The following ISLR2 variants were observed in gnomAD, a reference collection of about 807,000 sequenced individuals.
ISLR2 encodes the protein immunoglobulin superfamily containing leucine-rich repeat protein 2.
A neutral mutation model predicts 25.5 loss-of-function variants in ISLR2; 16 were observed. That is an observed-to-expected ratio of 0.63 (90% CI 0.43 to 0.95). ISLR2 has a LOEUF of 0.95. Ranked by LOEUF, ISLR2 falls within the 40% of genes least tolerant of loss-of-function variation. The pLI, the probability that ISLR2 is intolerant of heterozygous loss-of-function variation, is 0.00. For synonymous variants in ISLR2, 508 were observed against 486.6 expected (o/e 1.04, Z -0.58); for missense variants, 883 against 1,030.7 (o/e 0.86, Z 1.96).
intron 2 of ISLR2, among the ~76,000 whole-genome samples, chr15:74,119,440 G>A (rs2072235715): frequency 6.6e-6 from 1 of 151,916 alleles, no homozygotes; most frequent in South Asian, 2.1e-4. Context: ...CAAACTCCTG[G>A]GCTCAAGTGG....
At chr15:74,126,345 G>GTTTTTTTTTTTTTT (rs1228122616), upstream of ISLR2, 2 of 139,966 alleles carry the variant, frequency 1.4e-5, no homozygotes, top group African/African-American at 5.9e-5. Flanking sequence ...AAAAGCATAG[G>GTTTTTTTTTTTTTT]TATTTTTTTT....
chr15:74,126,393 C>T (rs1261337761), upstream of ISLR2: 6 of 127,678 alleles, frequency 4.7e-5, no homozygotes, highest in African/African-American at 9.4e-5. Context: ...CTCGCTCTGT[C>T]GCCCAGGCCG....
At position 74,133,911 on chromosome 15, in the gene ISLR2, G is replaced by C; in HGVS notation, c.1157G>C (p.Gly386Ala). The C allele has an allele frequency of 6.2e-7, 1 of 1,604,832 alleles. No individual in the cohort carries two copies. The highest frequency in any genetic ancestry group is 8.5e-7 in the Non-Finnish European group (1 of 1,175,934). ...GPPKHAPGAGGEPDGQAPTSE... is the reference protein window; with the variant it reads ...GPPKHAPGAGAEPDGQAPTSE... ...CCAAAACACGCGCCTGGCGCCGGGG[G>C]AGAACCCGACGGACAGGCCCCGACC... Residue 386 changes from glycine (G) to alanine (A), a missense_variant, in exon 3 of 3, where the codon GGA becomes GCA. Transcript: ENST00000453268.
At chr15:74,138,284 T>TTC (rs1193171544), downstream of ISLR2, 2 of 133,328 alleles carry the variant, frequency 1.5e-5, no homozygotes, top group Non-Finnish European at 3.1e-5. Context: ...TCTTTTTCTT[T>TTC]TCTCTTTTTT....
Position 74,134,521 on chromosome 15 carries a change from G to C in ISLR2, c.1767G>C (p.Ser589=). The C allele has an allele frequency of 6.2e-7, 1 of 1,614,050 alleles. No homozygotes were observed. The highest frequency in any genetic ancestry group is 8.5e-7 in the Non-Finnish European group (1 of 1,180,030). ...VVFSTKKELP[S]LLVIVAVSVF... is the part of the protein sequence containing the mutation. ...TTTCCACCAAGAAGGAGCTCCCATC[G>C]CTGCTGGTCATAGTGGCAGTGAGCG... Residue 589 remains serine, a synonymous_variant, in exon 3 of 3, where the codon TCG becomes TCC. Coordinates refer to ENST00000453268, the MANE Select transcript of ISLR2 (RefSeq NM_020851.3).
intron 1 of ISLR2, among the ~76,000 whole-genome samples, chr15:74,103,368 T>G (rs371426836): frequency 1.3e-5 from 2 of 148,476 alleles, no homozygotes; most frequent in Admixed American, 1.3e-4. Context: ...TTCTGGAGGC[T>G]GAAGTGGCTG....
At position 74,133,704 on chromosome 15, in the gene ISLR2, C is replaced by T. The variant is rs1359741749; in HGVS notation, c.950C>T (p.Pro317Leu). The change falls in exon 3 of 3, where the codon CCG becomes CTG. Residue 317 changes from proline to leucine, a missense_variant. Around this residue, in one of 2 missense-constraint regions of ISLR2, gnomAD observed 612 missense variants for 642.8 expected, o/e 0.95. Transcript: ENST00000453268. ...DLLTQTQAQT[P>L]TPAPAWPAPP... is the part of the protein sequence containing the mutation. The stretch of plus-strand genomic sequence containing the variant: ...CTGACGCAGACCCAAGCCCAAACGC[C>T]GACTCCAGCACCCGCTTGGCCGGCG... 1 of 1,608,116 alleles carries T rather than the reference C, an allele frequency of 6.2e-7. No homozygotes were observed. The highest frequency in any genetic ancestry group is 8.5e-7 in the Non-Finnish European group (1 of 1,177,258).
At chr15:74,126,617 T>A (rs1481899935), upstream of ISLR2, 1 of 152,150 alleles carries the variant, frequency 6.6e-6, no homozygotes. Context: ...AGTGCTGGGA[T>A]TATTACAGGT....
Position 74,136,517 on chromosome 15 carries a change from T to G in ISLR2, c.*1525T>G, listed in dbSNP as rs1251216853. On this transcript the variant is annotated 3_prime_UTR_variant, in exon 3 of 3. Coordinates refer to ENST00000453268, the MANE Select transcript of ISLR2 (RefSeq NM_020851.3). ...ACAAGCGTGCCCTGTAGGAGAAAAG[T>G]CTGTGTCCTGTGAAGTGTGACCGTG... 1 of 156,818 alleles carries G rather than the reference T, an allele frequency of 6.4e-6. No individual in the cohort carries two copies. The highest frequency in any genetic ancestry group is 1.5e-5 in the Non-Finnish European group (1 of 65,920). 9.7% of individuals were successfully genotyped at this position (156,818 alleles called of 1,614,324 possible).
upstream of ISLR2, among the ~76,000 whole-genome samples, chr15:74,124,595 C>A (rs958458596): frequency 2.0e-5 from 3 of 152,066 alleles, no homozygotes; most frequent in African/African-American, 7.2e-5. Flanking sequence ...CCTGTCTCTA[C>A]TAAAAATACA....
exon 1 of ISLR2, chr15:74,100,336 G>C (rs1231252042): frequency 1.6e-6 from 2 of 1,241,040 alleles, no homozygotes; most frequent in South Asian, 5.9e-5. Context: ...GCCGGGAGCG[G>C]ACCGCAGCCC....
intron 2 of ISLR2, among the ~76,000 whole-genome samples, chr15:74,106,958 A>G (rs2072125501): frequency 6.6e-6 from 1 of 152,096 alleles, no homozygotes; most frequent in Non-Finnish European, 1.5e-5. Context: ...TTGCTCTGAT[A>G]TAAGAACAGA....
At chr15:74,140,482 G>C (rs1211434989), downstream of ISLR2, among the ~76,000 whole-genome samples, 1 of 152,150 alleles carries the variant, frequency 6.6e-6, no homozygotes, top group African/African-American at 2.4e-5. Context: ...AGGGAAAAAG[G>C]GACCTGCTCT....
Position 74,132,663 on chromosome 15 carries a change from T to C in ISLR2, c.-8-84T>C, listed in dbSNP as rs1418409449. The stretch of plus-strand genomic sequence containing the variant: ...GCCCTGGAACTAGTGCTAAACGGGC[T>C]TGCGGAGGCACAGCTTGATAGGGGA... On this transcript the variant is annotated intron_variant, in intron 2 of 2. Coordinates refer to ENST00000453268, the MANE Select transcript of ISLR2 (RefSeq NM_020851.3). The surrounding 1 kb of genome is among the most constrained non-coding windows in gnomAD (Gnocchi z 4.3). The C allele has an allele frequency of 1.0e-5, 15 of 1,495,248 alleles. No homozygotes were observed. Among genetic ancestry groups the C allele is most frequent in the African/African-American group, 1.4e-5 (1 of 71,966 alleles). The allele number at this position is 1,495,248 out of a possible 1,614,324, so 92.6% of individuals were successfully genotyped here. A position where few individuals can be genotyped will look rare whatever the true frequency, so the allele number is the denominator to read the frequency against.
At chr15:74,130,164 T>A (rs1385505784), upstream of ISLR2, 1 of 115,780 alleles carries the variant, frequency 8.6e-6, no homozygotes, top group Non-Finnish European at 1.7e-5. Context: ...CAGCACGCCC[T>A]GCAGGGCTGT....
intron 2 of ISLR2, among the ~76,000 whole-genome samples, chr15:74,110,656 T>TAA (rs753865797): frequency 3.6e-5 from 4 of 111,274 alleles, no homozygotes; most frequent in Non-Finnish European, 3.9e-5. Context: ...TGTCTCTACT[T>TAA]AAAAAAAAAA....
chr15:74,125,451 G>A (rs2141940433), upstream of ISLR2, among the ~76,000 whole-genome samples: 1 of 152,262 alleles, frequency 6.6e-6, no homozygotes, highest in South Asian at 2.1e-4. Flanking sequence ...TGTTGCCCAA[G>A]CTGGTCTTAA....
At position 74,136,588 on chromosome 15, in the gene ISLR2, G is replaced by T. The variant is rs1422754835; in HGVS notation, c.*1596G>T. On this transcript the variant is annotated 3_prime_UTR_variant, in exon 3 of 3. Transcript: ENST00000453268. ...GGGGGCGGATGGGCGGGGAGGGAGG[G>T]AAGGGGAGGGGCGCGGCGCGGCGAC... 1 of 146,552 alleles carries T rather than the reference G, an allele frequency of 6.8e-6. No individual in the cohort carries two copies. The highest frequency in any genetic ancestry group is 1.5e-5 in the Non-Finnish European group (1 of 65,252). The allele number at this position is 146,552 out of a possible 1,614,324, so 9.1% of individuals were successfully genotyped here.
chr15:74,141,725 A>G (rs1051393646), downstream of ISLR2, among the ~76,000 whole-genome samples: 9 of 152,168 alleles, frequency 5.9e-5, no homozygotes, highest in Admixed American at 4.6e-4. Flanking sequence ...GAGGGTTAGT[A>G]GTTTGTTGAA....
Sources: gnomAD v4.1 joint callset for allele counts (sites outside exome capture counted in the v4.1 genomes callset) on GRCh38, gnomAD v4.1.1 for gene constraint, gnomAD v4.1.1 regional missense constraint, Gnocchi (gnomAD v3.1) non-coding constraint, MANE v1.5 for transcripts, NCBI Gene and HGNC (gene_info 2026-07-23, HGNC 2026-07-21) for gene names.